Variants in ASIC2 observed in about 807,000 individuals in gnomAD.
ASIC2 encodes the protein acid-sensing ion channel 2.
Under a neutral mutation model 57.3 loss-of-function variants are expected in ASIC2, and 25 were observed. The ratio of observed to expected loss-of-function variants is 0.44; its 90% CI spans 0.32 to 0.61. The LOEUF (loss-of-function observed/expected upper bound fraction) is 0.61. Ranked by LOEUF, ASIC2 falls within the 20% of genes least tolerant of loss-of-function variation. The probability of loss-of-function intolerance (pLI) is 0.06; values close to 1 mark genes in which losing one functional copy is unlikely to be tolerated. For synonymous variants in ASIC2, 319 were observed against 307.5 expected, an observed-to-expected ratio of 1.04 and a Z score of -0.39; for missense variants, 641 against 738.1, an observed-to-expected ratio of 0.87 and a Z score of 1.52.
chr17:33,810,868 C>A (rs1207911554), intron 1 of ASIC2, among the ~76,000 whole-genome samples: 1 of 80,210 alleles, frequency 1.2e-5, no homozygotes, highest in Non-Finnish European at 2.5e-5. Context: ...ACTATGCACA[C>A]ACACATACAC....
intron 1 of ASIC2, among the ~76,000 whole-genome samples, chr17:34,112,899 T>C (rs1911318693): frequency 1.3e-5 from 2 of 152,198 alleles, no homozygotes; most frequent in African/African-American, 4.8e-5. Flanking sequence ...TGAGCAGCTG[T>C]ACTCTCTAGG....
rs528981050 is a variant in ASIC2 at position 33,127,222 on chromosome 17, G to A, written c.709-15155C>T. Among the ~76,000 whole-genome samples, 10 of 152,266 alleles carry A rather than the reference G, an allele frequency of 6.6e-5. No homozygotes were observed. The South Asian group carries it at 1.5e-3, about 22-fold the overall frequency. On this transcript the variant is annotated intron_variant, in intron 1 of 9. Transcript: ENST00000225823. ...AGAAGCGGTGGCAGAATCCATGAGA[G>A]GCTAAACAACTCTCTCAACGTCATG...
At chr17:33,456,246 C>T (rs1036143098) in intron 1 of ASIC2, among the ~76,000 whole-genome samples, 1 of 152,126 alleles carries the variant, frequency 6.6e-6, no homozygotes, top group Non-Finnish European at 1.5e-5. Flanking sequence ...ACTTCCCACC[C>T]CAGGGTCTTT....
At chr17:33,819,304 G>A (rs1321209895) in intron 1 of ASIC2, among the ~76,000 whole-genome samples, 2 of 152,166 alleles carry the variant, frequency 1.3e-5, no homozygotes, top group African/African-American at 4.8e-5. Context: ...GTCACCCTCC[G>A]CTCCTCTCTC....
chr17:33,449,128 C>T (rs994735023), intron 1 of ASIC2, among the ~76,000 whole-genome samples: 2 of 152,172 alleles, frequency 1.3e-5, no homozygotes, highest in Non-Finnish European at 2.9e-5. Context: ...TCCTGCCTGG[C>T]CCTTTCTGCC....
chr17:33,487,614 T>G (rs967454248), intron 1 of ASIC2, among the ~76,000 whole-genome samples: 1 of 152,158 alleles, frequency 6.6e-6, no homozygotes, highest in African/African-American at 2.4e-5. Flanking sequence ...TATTCCTGGG[T>G]GTGTCTGTGA....
chr17:33,243,759 A>G (rs1191713022), intron 1 of ASIC2, among the ~76,000 whole-genome samples: 1 of 152,236 alleles, frequency 6.6e-6, no homozygotes, highest in African/African-American at 2.4e-5. Flanking sequence ...AATACTTTTT[A>G]GTATGAAAAA....
At chr17:33,072,345 CA>C (rs944126661) in intron 3 of ASIC2, among the ~76,000 whole-genome samples, 3 of 152,178 alleles carry the variant, frequency 2.0e-5, no homozygotes, top group Non-Finnish European at 4.4e-5. Context: ...GGTAAGTCCA[CA>C]AGCTGTACCT....
intron 1 of ASIC2, among the ~76,000 whole-genome samples, chr17:33,273,992 C>G (rs1391076): frequency 6.6e-6 from 1 of 151,930 alleles, no homozygotes; most frequent in Admixed American, 6.6e-5. Flanking sequence ...GTGGTACTTA[C>G]GTCCATTTTA....
At chr17:33,787,086 C>T (rs1056052821) in intron 1 of ASIC2, among the ~76,000 whole-genome samples, 10 of 152,158 alleles carry the variant, frequency 6.6e-5, no homozygotes, top group Non-Finnish European at 1.2e-4. Context: ...TGTGGGGAGT[C>T]CAGGAGAGAA....
intron 1 of ASIC2, among the ~76,000 whole-genome samples, chr17:33,504,682 ATACTCCTGG>A (rs1162860225): frequency 2.6e-5 from 4 of 152,228 alleles, no homozygotes; most frequent in Admixed American, 2.6e-4. Context: ...TTGTTGCCGC[ATACTCCTGG>A]TGACTGTTCA....
chr17:33,523,395 T>C (rs917149452), intron 1 of ASIC2, among the ~76,000 whole-genome samples: 1 of 152,140 alleles, frequency 6.6e-6, no homozygotes, highest in Admixed American at 6.5e-5. Context: ...TAGCTGGAAT[T>C]ACAGGCACCT....
rs1296175843 is a variant in ASIC2 at position 33,826,213 on chromosome 17, A to G, written c.555+329765T>C. Reference sequence around the variant, plus strand: ...TTTATAGTTCACTCCTCAGAGGAAGAACATTTGCTCCAGCCTTCCCTTGAA... The same window carrying G: ...TTTATAGTTCACTCCTCAGAGGAAGGACATTTGCTCCAGCCTTCCCTTGAA... On this transcript the variant is annotated intron_variant, in intron 1 of 9. Transcript: ENST00000359872. Among the ~76,000 whole-genome samples the G allele has an allele frequency of 2.6e-5, 4 of 152,362 alleles. No individual in the cohort carries two copies. In the East Asian group the frequency reaches 7.7e-4, roughly 29 times the overall value.
chr17:33,698,408 C>G (rs2142067795), intron 1 of ASIC2, among the ~76,000 whole-genome samples: 1 of 152,286 alleles, frequency 6.6e-6, no homozygotes, highest in Middle Eastern at 3.4e-3. Flanking sequence ...AGAACAGTGT[C>G]TGGCACATAG....
At chr17:33,985,219 G>C (rs1905773980) in intron 1 of ASIC2, among the ~76,000 whole-genome samples, 1 of 152,162 alleles carries the variant, frequency 6.6e-6, no homozygotes, top group Admixed American at 6.5e-5. Flanking sequence ...ACCATAGGCA[G>C]ATGAGCACTT....
chr17:33,951,182 T>C (rs1904551319), intron 1 of ASIC2, among the ~76,000 whole-genome samples: 1 of 152,178 alleles, frequency 6.6e-6, no homozygotes, highest in Non-Finnish European at 1.5e-5. Flanking sequence ...ATTTCTTGAG[T>C]GCTCACTATA....
chr17:33,662,741 C>T (rs1024346077), intron 1 of ASIC2, among the ~76,000 whole-genome samples: 7 of 149,536 alleles, frequency 4.7e-5, no homozygotes, highest in Non-Finnish European at 7.4e-5. Flanking sequence ...TCCCTCCTTC[C>T]CTCCCTTCCT....
At chr17:33,661,844 C>CT (rs1907276771) in intron 1 of ASIC2, among the ~76,000 whole-genome samples, 1 of 152,178 alleles carries the variant, frequency 6.6e-6, no homozygotes, top group South Asian at 2.1e-4. Flanking sequence ...TGGCAGAAAA[C>CT]TGACTGGCGG....
chr17:34,124,109 T>C (rs1282712623), intron 1 of ASIC2, among the ~76,000 whole-genome samples: 4 of 152,036 alleles, frequency 2.6e-5, no homozygotes, highest in African/African-American at 7.3e-5. Flanking sequence ...AATATTAAAT[T>C]ATATAATCTT....
Sources: gnomAD v4.1 joint callset for allele counts (sites outside exome capture counted in the v4.1 genomes callset) on GRCh38, gnomAD v4.1.1 for gene constraint, MANE v1.5 for transcripts, NCBI Gene and HGNC (gene_info 2026-07-23, HGNC 2026-07-21) for gene names.